Variants in MYT1L observed in about 807,000 individuals in gnomAD.
MYT1L encodes the protein myelin transcription factor 1-like protein.
Under a neutral mutation model 126.7 loss-of-function variants are expected in MYT1L, and 12 were observed. That is an observed-to-expected ratio of 0.09 (90% confidence interval 0.06 to 0.15). The LOEUF is 0.15. MYT1L is among the 10% of genes least tolerant of loss of function. The probability of loss-of-function intolerance (pLI) is 1.00; values close to 1 mark genes in which losing one functional copy is unlikely to be tolerated. For missense variants in MYT1L, 979 were observed against 1,585.2 expected (o/e 0.62, Z 6.49); for synonymous variants, 541 against 604.2 (o/e 0.90, Z 1.53).
chr2:2,209,153 A>C (rs1411135300), intron 2 of MYT1L, among the ~76,000 whole-genome samples: 1 of 152,234 alleles, frequency 6.6e-6, no homozygotes, highest in Non-Finnish European at 1.5e-5. Flanking sequence ...TATGGATTAC[A>C]TGAGACATTT....
At chr2:2,046,785 G>C (rs2068239902) in intron 4 of MYT1L, among the ~76,000 whole-genome samples, 1 of 152,156 alleles carries the variant, frequency 6.6e-6, no homozygotes, top group Non-Finnish European at 1.5e-5. Context: ...TACTAGTACA[G>C]AGGATACACC....
intron 2 of MYT1L, among the ~76,000 whole-genome samples, chr2:2,186,231 G>A (rs1271445195): frequency 6.9e-6 from 1 of 145,960 alleles, no homozygotes; most frequent in Admixed American, 6.7e-5. Context: ...CGTTCCTTAC[G>A]TGAGGGGGAC....
intron 4 of MYT1L, among the ~76,000 whole-genome samples, chr2:2,039,549 T>G (rs1357031689): frequency 2.0e-5 from 3 of 152,204 alleles, no homozygotes; most frequent in African/African-American, 4.8e-5. Context: ...GGTGAATTTA[T>G]GAAGGTGAAA....
chr2:2,011,916 T>C (rs2063861810), intron 4 of MYT1L, among the ~76,000 whole-genome samples: 1 of 152,208 alleles, frequency 6.6e-6, no homozygotes, highest in South Asian at 2.1e-4. Context: ...ACAGCCCTCA[T>C]TGCACTTGAG....
intron 8 of MYT1L, among the ~76,000 whole-genome samples, chr2:1,944,455 T>G (rs2057005932): frequency 6.6e-6 from 1 of 152,120 alleles, no homozygotes; most frequent in South Asian, 2.1e-4. Context: ...CCTCTCTCAT[T>G]GGCCCATTAT....
At chr2:2,199,092 G>C (rs12467644) in intron 2 of MYT1L, among the ~76,000 whole-genome samples, 1 of 151,994 alleles carries the variant, frequency 6.6e-6, no homozygotes, top group African/African-American at 2.4e-5. Context: ...TTTTTAGTTA[G>C]ATTATTTTAA....
intron 4 of MYT1L, among the ~76,000 whole-genome samples, chr2:1,998,279 G>A (rs1219140671): frequency 6.6e-6 from 1 of 152,186 alleles, no homozygotes; most frequent in Non-Finnish European, 1.5e-5. Context: ...TGAGCAGAGA[G>A]CCCGGAGCCC....
At chr2:2,071,922 G>C (rs1400292777) in intron 3 of MYT1L, among the ~76,000 whole-genome samples, 1 of 152,176 alleles carries the variant, frequency 6.6e-6, no homozygotes, top group Non-Finnish European at 1.5e-5. Flanking sequence ...CGAGGAGGGA[G>C]AGCAGATTTT....
intron 5 of MYT1L, among the ~76,000 whole-genome samples, chr2:1,995,741 A>G (rs555313116): frequency 6.6e-6 from 1 of 152,270 alleles, no homozygotes; most frequent in South Asian, 2.1e-4. Context: ...CCCGTCCCAG[A>G]CAACACTGCC....
intron 2 of MYT1L, among the ~76,000 whole-genome samples, chr2:2,178,213 T>C (rs971966486): frequency 6.6e-6 from 1 of 152,158 alleles, no homozygotes; most frequent in Admixed American, 6.6e-5. Flanking sequence ...TCAATTATTA[T>C]AAAAAATGAC....
intron 1 of MYT1L, among the ~76,000 whole-genome samples, chr2:2,299,662 C>T (rs897305744): frequency 5.9e-5 from 9 of 152,200 alleles, no homozygotes; most frequent in African/African-American, 2.2e-4. Context: ...CAGGACATTG[C>T]AAACCTCAAG....
chr2:2,124,578 G>A (rs2081448629), intron 3 of MYT1L, among the ~76,000 whole-genome samples: 1 of 152,298 alleles, frequency 6.6e-6, no homozygotes, highest in Admixed American at 6.5e-5. Context: ...TTACAGGTGT[G>A]AGCCACCCTG....
intron 3 of MYT1L, among the ~76,000 whole-genome samples, chr2:2,061,202 G>A (rs1246383206): frequency 6.6e-6 from 1 of 152,052 alleles, no homozygotes; most frequent in Non-Finnish European, 1.5e-5. Flanking sequence ...GTGGCTCATT[G>A]TAAATGTGTG....
chr2:2,171,975 G>A (rs1043066367), intron 3 of MYT1L, among the ~76,000 whole-genome samples: 3 of 152,150 alleles, frequency 2.0e-5, no homozygotes, highest in Admixed American at 6.5e-5. Flanking sequence ...AGCATGCTGA[G>A]AAATTGCCAT....
At chr2:2,267,088 C>T (rs921117762) in intron 2 of MYT1L, among the ~76,000 whole-genome samples, 2 of 152,148 alleles carry the variant, frequency 1.3e-5, no homozygotes, top group Non-Finnish European at 2.9e-5. Context: ...GGAAACTGAG[C>T]CAGGAGGCGA....
chr2:1,968,416 C>T (rs553099423), intron 8 of MYT1L, among the ~76,000 whole-genome samples: 1 of 152,294 alleles, frequency 6.6e-6, no homozygotes, highest in South Asian at 2.1e-4. Flanking sequence ...TGTTCATTTT[C>T]CCCCTCCTCT....
chr2:2,076,641 G>C (rs1487240394), intron 3 of MYT1L, among the ~76,000 whole-genome samples: 3 of 152,118 alleles, frequency 2.0e-5, no homozygotes, highest in Non-Finnish European at 4.4e-5. Flanking sequence ...TAAAAAATAA[G>C]AAGCAACAAG....
At chr2:1,853,212 GA>G (rs2043498172) in intron 18 of MYT1L, among the ~76,000 whole-genome samples, 1 of 152,198 alleles carries the variant, frequency 6.6e-6, no homozygotes, top group African/African-American at 2.4e-5. Context: ...GTCACTGAGT[GA>G]AGAAGCAGTA....
intron 4 of MYT1L, among the ~76,000 whole-genome samples, chr2:2,032,482 C>T (rs2932941): frequency 1.5e-4 from 19 of 125,146 alleles, no homozygotes; most frequent in South Asian, 5.9e-4. Context: ...CTTACACACA[C>T]CCCTCCCCAG....
Sources: gnomAD v4.1 joint callset for allele counts (sites outside exome capture counted in the v4.1 genomes callset) on GRCh38, gnomAD v4.1.1 for gene constraint, MANE v1.5 for transcripts, NCBI Gene and HGNC (gene_info 2026-07-23, HGNC 2026-07-21) for gene names.